Variants in ZNF585A observed in about 807,000 individuals in gnomAD.
ZNF585A encodes zinc finger protein 585A.
A neutral mutation model predicts 14.9 loss-of-function variants in ZNF585A; 9 were observed. The observed-to-expected ratio is 0.60, with a 90% CI of 0.36 to 1.05. ZNF585A has a LOEUF of 1.05. Ranked by LOEUF, ZNF585A falls within the 50% of genes least tolerant of loss-of-function variation. The probability of loss-of-function intolerance (pLI) is 0.01; values close to 1 mark genes in which losing one functional copy is unlikely to be tolerated. For synonymous variants in ZNF585A, 276 were observed against 319.9 expected, an observed-to-expected ratio of 0.86 and a Z score of 1.46; for missense variants, 726 against 926.4, an observed-to-expected ratio of 0.78 and a Z score of 2.81.
chr19:37,155,806 A>G lies in ZNF585A; in HGVS notation c.292+59T>C, dbSNP rs796183594. 3 of 1,581,650 alleles carry G rather than the reference A, an allele frequency of 1.9e-6. No individual in the cohort carries two copies. In the African/African-American group the frequency reaches 4.0e-5, roughly 21 times the overall value. ...TATTCCAAGGGTGTTGGTGTTTCTC[A>G]AGACAGCTGAGATTTCCTCCCATCT... is the stretch of plus-strand genomic sequence containing the variant. On this transcript the variant is annotated intron_variant, in intron 4 of 4. Coordinates refer to ENST00000292841, the MANE Select transcript of ZNF585A (RefSeq NM_001288800.2).
At chr19:37,163,445 TAA>T (rs367729509) in intron 2 of ZNF585A, among the ~76,000 whole-genome samples, 2 of 117,232 alleles carry the variant, frequency 1.7e-5, no homozygotes, top group African/African-American at 3.3e-5. Context: ...AGTAAAAAAG[TAA>T]AAAAAAAAAA....
chr19:37,152,156 A>C lies in ZNF585A; in HGVS notation c.1743T>G (p.Thr581=). The change falls in exon 5 of 5, where the codon ACT becomes ACG. Residue 581 remains threonine, a synonymous_variant. Coordinates refer to ENST00000292841, the MANE Select transcript of ZNF585A (RefSeq NM_001288800.2). ...IHTGEKPYVC[T]ECGRAFIRKS... is the part of the protein sequence containing the mutation. ...TGCGGATGAAAGCTCTTCCACACTC[A>C]GTGCATACATAGGGTTTCTCTCCTG... The C allele has an allele frequency of 6.2e-7, 1 of 1,604,370 alleles. No homozygotes were observed. The highest frequency in any genetic ancestry group is 1.3e-5 in the African/African-American group (1 of 74,368).
chr19:37,164,112 T>C (rs1025065673), intron 2 of ZNF585A, among the ~76,000 whole-genome samples: 2 of 152,062 alleles, frequency 1.3e-5, no homozygotes, highest in Non-Finnish European at 2.9e-5. Flanking sequence ...ACATCAAAAT[T>C]TATAAACAAA....
rs750839137 is a variant in ZNF585A at position 37,153,409 on chromosome 19, C to T, written c.490G>A (p.Gly164Arg). ...GEKLYVCIEC[G>R]KAFVQKPEFI... ...TCTGGCTTCTGTACAAAAGCCTTCC[C>T]ACATTCAATGCATACATAGAGCTTT... is the stretch of plus-strand genomic sequence containing the variant. The change falls in exon 5 of 5, where the codon GGG becomes AGG. Residue 164 changes from glycine (G) to arginine (R), a missense_variant. Physicochemically the swap from Gly to Arg is moderately radical, Grantham distance 125. Coordinates refer to ENST00000292841, the MANE Select transcript of ZNF585A (RefSeq NM_001288800.2). The T allele has an allele frequency of 1.9e-6, 3 of 1,614,072 alleles. No individual in the cohort carries two copies. The highest frequency in any genetic ancestry group is 2.5e-6 in the Non-Finnish European group (3 of 1,180,000).
At chr19:37,161,193 TACAGGCCA>T in intron 2 of ZNF585A, among the ~76,000 whole-genome samples, 1 of 149,542 alleles carries the variant, frequency 6.7e-6, no homozygotes, top group Admixed American at 6.6e-5. Context: ...AAAAAAAAAC[TACAGGCCA>T]ATATCTCTCA....
At chr19:37,156,103 TAAAG>T in intron 3 of ZNF585A, 122 bp downstream of exon 3, 1 of 1,550,946 alleles carries the variant, frequency 6.4e-7, no homozygotes, top group Non-Finnish European at 8.7e-7. Flanking sequence ...CCTAAACAAA[TAAAG>T]AATCCTAGAC....
At chr19:37,164,715 T>C (rs1972060949) in intron 2 of ZNF585A, among the ~76,000 whole-genome samples, 2 of 152,230 alleles carry the variant, frequency 1.3e-5, no homozygotes, top group African/African-American at 2.4e-5. Flanking sequence ...GGTGTCACTG[T>C]CACCTAGGCT....
At chr19:37,161,015 A>G (rs1391666775) in intron 2 of ZNF585A, among the ~76,000 whole-genome samples, 1 of 151,982 alleles carries the variant, frequency 6.6e-6, no homozygotes, top group Non-Finnish European at 1.5e-5. Flanking sequence ...CTACAGACAC[A>G]TATCACCATA....
rs117397318 is a variant in ZNF585A at position 37,153,771 on chromosome 19, G to A, written c.293-165C>T. Reference sequence around the variant, plus strand: ...GATGGGGTCTTTTGGGAGGAGAAATGATGTTTGGGTTCACATGAATTATTT... The same window carrying A: ...GATGGGGTCTTTTGGGAGGAGAAATAATGTTTGGGTTCACATGAATTATTT... On this transcript the variant is annotated intron_variant, in intron 4 of 4. Coordinates refer to ENST00000292841, the MANE Select transcript of ZNF585A (RefSeq NM_001288800.2). Among the ~76,000 whole-genome samples the A allele has an allele frequency of 6.2e-3, 940 of 152,288 alleles. 28 individuals carry two copies. The highest frequency in any genetic ancestry group is 0.05 in the East Asian group (259 of 5,194).
intron 4 of ZNF585A, among the ~76,000 whole-genome samples, chr19:37,155,443 G>A (rs2145401492): frequency 6.6e-6 from 1 of 152,052 alleles, no homozygotes; most frequent in East Asian, 2.0e-4. Flanking sequence ...TTGAGGTCAG[G>A]TGTTAGAGAC....
Position 37,156,283 on chromosome 19 carries a change from T to C in ZNF585A, c.145A>G (p.Arg49Gly). 6.2e-7 allele frequency: 1 copy of C among 1,614,176 alleles called. No individual in the cohort carries two copies. Among genetic ancestry groups the C allele is most frequent in the Non-Finnish European group, 8.5e-7 (1 of 1,180,034 alleles). Residue 49 changes from arginine to glycine, a missense_variant, in exon 3 of 5, where the codon AGA becomes GGA. Physicochemically the swap from Arg to Gly is moderately radical, Grantham distance 125. Coordinates refer to ENST00000292841, the MANE Select transcript of ZNF585A (RefSeq NM_001288800.2). ...AGCATCACATCCCGGTACAGGTTTC[T>C]CTGAGAAGGGTCCAGGTGCCGCCAT... ...EEWRHLDPSQ[R>G]NLYRDVMLET... is the part of the protein sequence containing the mutation.
At chr19:37,163,571 A>T (rs116664585) in intron 2 of ZNF585A, among the ~76,000 whole-genome samples, 3,340 of 152,138 alleles carry the variant, frequency 0.022, 127 homozygotes, top group African/African-American at 0.076. Context: ...AAATAAAGAT[A>T]TTTTTTAAAG....
intron 2 of ZNF585A, among the ~76,000 whole-genome samples, chr19:37,167,563 G>T (rs540740638): frequency 6.6e-6 from 1 of 151,606 alleles, no homozygotes; most frequent in Non-Finnish European, 1.5e-5. Context: ...GTACATTCAC[G>T]TTGTGTAAGA....
At position 37,153,605 on chromosome 19, in the gene ZNF585A, T is replaced by C; in HGVS notation, c.294A>G (p.Gly98=). Residue 98 remains glycine (G), a splice_region_variant and synonymous_variant, in exon 5 of 5, where the codon GGA becomes GGG. Transcript: ENST00000292841. ...ATTGATTATGGTCCCATAATTTCTCTCCTGTTGGAATACACTCATGGTTAC... is the reference window on the plus strand; with the variant it reads ...ATTGATTATGGTCCCATAATTTCTCCCCTGTTGGAATACACTCATGGTTAC... ...QGERPRQSCP[G]EKLWDHNQCR... The C allele has an allele frequency of 1.2e-6, 2 of 1,606,948 alleles. No individual in the cohort carries two copies. The highest frequency in any genetic ancestry group is 2.2e-5 in the East Asian group (1 of 44,832).
In ZNF585A at chr19:37,150,383, A is replaced by G. The variant is rs912654241; in HGVS notation, c.*1206T>C. ...GTAATAAAAGTATCAGGAGATAGAA[A>G]CCATTGTATTGCAGGGGGCACACCA... On this transcript the variant is annotated 3_prime_UTR_variant, in exon 5 of 5. Coordinates refer to ENST00000292841, the MANE Select transcript of ZNF585A (RefSeq NM_001288800.2). The G allele has an allele frequency of 4.6e-5, 7 of 152,076 alleles. No homozygotes were observed. Among genetic ancestry groups the G allele is most frequent in the African/African-American group, 1.4e-4 (6 of 41,398 alleles). 9.4% of individuals were successfully genotyped at this position (152,076 alleles called of 1,614,324 possible).
intron 4 of ZNF585A, among the ~76,000 whole-genome samples, chr19:37,154,765 T>G: frequency 6.9e-6 from 1 of 144,652 alleles, no homozygotes. Flanking sequence ...AGAGGGTGAT[T>G]GGACAGAAAG....
intron 2 of ZNF585A, among the ~76,000 whole-genome samples, chr19:37,167,818 A>G (rs1037697587): frequency 8.6e-5 from 13 of 150,508 alleles, no homozygotes; most frequent in Non-Finnish European, 1.5e-4. Flanking sequence ...AGTCTTCAGT[A>G]TATGAGTTTC....
Position 37,153,587 on chromosome 19 carries a change from A to G in ZNF585A, c.312T>C (p.His104=). The G allele has an allele frequency of 1.2e-6, 2 of 1,611,758 alleles. No homozygotes were observed. The highest frequency in any genetic ancestry group is 1.3e-5 in the African/African-American group (1 of 74,922). The change falls in exon 5 of 5, where the codon CAT becomes CAC. Residue 104 remains histidine, a synonymous_variant. Transcript: ENST00000292841. Reference sequence around the variant, plus strand: ...AACTGAGGATTTTTCTACATTGATTATGGTCCCATAATTTCTCTCCTGTTG... The same window carrying G: ...AACTGAGGATTTTTCTACATTGATTGTGGTCCCATAATTTCTCTCCTGTTG... ...QSCPGEKLWD[H]NQCRKILSYK... is the part of the protein sequence containing the mutation.
chr19:37,165,583 G>A (rs2145413799), intron 2 of ZNF585A: 1 of 962,716 alleles, frequency 1.0e-6, no homozygotes, highest in Non-Finnish European at 1.2e-6. Flanking sequence ...ACTAATCCCA[G>A]TAAAAACCTA....
Sources: gnomAD v4.1 joint callset for allele counts (sites outside exome capture counted in the v4.1 genomes callset) on GRCh38, gnomAD v4.1.1 for gene constraint, MANE v1.5 for transcripts, NCBI Gene and HGNC (gene_info 2026-07-23, HGNC 2026-07-21) for gene names.